Variants in JHY observed in about 807,000 individuals in gnomAD.
JHY encodes jhy protein homolog.
In JHY, 69 loss-of-function variants were observed where a neutral mutation model predicts 78.0. The observed-to-expected ratio is 0.88, with a 90% CI of 0.73 to 1.08. The LOEUF (loss-of-function observed/expected upper bound fraction) is 1.08, where lower values mean the gene tolerates loss of function less well. JHY is among the 50% of genes least tolerant of loss of function. JHY has a pLI of 0.00. For missense variants in JHY, 944 were observed against 927.8 expected (o/e 1.02, Z -0.23); for synonymous variants, 368 against 342.6 (o/e 1.07, Z -0.82).
At chr11:122,947,918 A>C (rs1404445776) in intron 6 of JHY, among the ~76,000 whole-genome samples, 1 of 152,128 alleles carries the variant, frequency 6.6e-6, no homozygotes, top group East Asian at 1.9e-4. Flanking sequence ...TTGTTCTCCC[A>C]TACCAACCTG....
chr11:122,906,350 A>G (rs550743425), intron 3 of JHY, among the ~76,000 whole-genome samples: 2 of 152,066 alleles, frequency 1.3e-5, no homozygotes, highest in Non-Finnish European at 2.9e-5. Flanking sequence ...CACCACATCT[A>G]GCTAAATTTG....
At chr11:122,924,522 GT>G (rs1313193709) in intron 3 of JHY, among the ~76,000 whole-genome samples, 1 of 152,100 alleles carries the variant, frequency 6.6e-6, no homozygotes, top group African/African-American at 2.4e-5. Context: ...TATTTCTGTT[GT>G]CGTCATCATC....
chr11:122,892,923 A>C (rs1862656050), intron 2 of JHY, among the ~76,000 whole-genome samples: 1 of 152,206 alleles, frequency 6.6e-6, no homozygotes. Context: ...CGTACTGATT[A>C]GGAGATTAAA....
chr11:122,935,537 G>T lies in JHY; in HGVS notation c.1634+462G>T, dbSNP rs73606709. 1.4e-3 allele frequency among the ~76,000 whole-genome samples: 219 copies of T among 152,208 alleles called. No homozygotes were observed. The highest frequency in any genetic ancestry group is 5.2e-3 in the African/African-American group (214 of 41,546). ...GGTGTGAGCCACCGCACCCGGCCAA[G>T]AGTCTACTTTTGATGGATTTCTTTT... On this transcript the variant is annotated intron_variant, in intron 5 of 8. Coordinates refer to ENST00000227349, the MANE Select transcript of JHY (RefSeq NM_024806.4). This position sits in a 1 kb window ranked among gnomAD's most constrained non-coding sequence, Gnocchi z 4.5.
intron 6 of JHY, among the ~76,000 whole-genome samples, chr11:122,950,735 G>C (rs1694454868): frequency 6.6e-6 from 1 of 152,264 alleles, no homozygotes; most frequent in Non-Finnish European, 1.5e-5. Context: ...CCTTCTTTTA[G>C]TTAATTGAAT....
chr11:122,930,063 GAGAA>G (rs1863604694), intron 4 of JHY, among the ~76,000 whole-genome samples: 1 of 152,102 alleles, frequency 6.6e-6, no homozygotes, highest in Non-Finnish European at 1.5e-5. Flanking sequence ...GCTGTGAACT[GAGAA>G]AGAGATAGAT....
intron 3 of JHY, among the ~76,000 whole-genome samples, chr11:122,912,673 C>T (rs553272448): frequency 6.5e-4 from 98 of 151,296 alleles, no homozygotes; most frequent in African/African-American, 2.3e-3. Context: ...GCCGGGAGGC[C>T]GAGGCTGCAG....
At chr11:122,889,821 C>T (rs1189586252) in intron 2 of JHY, among the ~76,000 whole-genome samples, 3 of 152,114 alleles carry the variant, frequency 2.0e-5, no homozygotes, top group Non-Finnish European at 4.4e-5. Flanking sequence ...TGAAGTGGCA[C>T]GATCTTGGCT....
chr11:122,916,002 C>G (rs1045081245), intron 3 of JHY, among the ~76,000 whole-genome samples: 1 of 149,290 alleles, frequency 6.7e-6, no homozygotes, highest in Non-Finnish European at 1.5e-5. Flanking sequence ...AGGTAAAAGG[C>G]AGAATGATAG....
chr11:122,946,601 G>T lies in JHY; in HGVS notation c.1738G>T (p.Asp580Tyr), dbSNP rs779492457. 1.9e-6 allele frequency: 3 copies of T among 1,614,006 alleles called. No individual in the cohort carries two copies. The highest frequency in any genetic ancestry group is 2.5e-6 in the Non-Finnish European group (3 of 1,180,002). The change falls in exon 6 of 9, where the codon GAC becomes TAC. Residue 580 changes from aspartate (D) to tyrosine (Y), a missense_variant. Asp to Tyr is a radical substitution (Grantham distance 160). Coordinates refer to ENST00000227349, the MANE Select transcript of JHY (RefSeq NM_024806.4). ...TCAGCAAGCCTTGGTGCAGCTGACC[G>T]ACGTGCAGCCCAGTGAAGGGGCCTT... ...QHQQALVQLT[D>Y]VQPSEGALSS...
Position 122,961,512 on chromosome 11 carries a change from G to A in JHY, c.*2067G>A, listed in dbSNP as rs946135998. Among the ~76,000 whole-genome samples the A allele has an allele frequency of 6.6e-6, 1 of 152,048 alleles. No individual in the cohort carries two copies. Among genetic ancestry groups the A allele is most frequent in the Non-Finnish European group, 1.5e-5 (1 of 68,000 alleles). On this transcript the variant is annotated 3_prime_UTR_variant, in exon 9 of 9. Coordinates refer to ENST00000227349, the MANE Select transcript of JHY (RefSeq NM_024806.4). ...CGAGATTGCAAGCGTGCACTACCAC[G>A]CCCGGCTAATTTTTATACTTTTAGT...
chr11:122,905,556 G>T, intron 3 of JHY: 1 of 1,059,998 alleles, frequency 9.4e-7, no homozygotes, highest in East Asian at 6.8e-5. Flanking sequence ...TTTCTTCAGA[G>T]ACTCCCTTTT....
Position 122,886,164 on chromosome 11 carries a change from C to T in JHY, c.315C>T (p.His105=). The T allele has an allele frequency of 1.2e-6, 2 of 1,612,854 alleles. No individual in the cohort carries two copies. Among genetic ancestry groups the T allele is most frequent in the South Asian group, 2.2e-5 (2 of 90,954 alleles). ...KAAQMAREQN[H]HTWDQGANNR... is the part of the protein sequence containing the mutation. ...CTCAGATGGCTCGCGAGCAAAACCA[C>T]CATACCTGGGACCAGGGCGCCAATA... Residue 105 remains histidine, a synonymous_variant, in exon 2 of 9, where the codon CAC becomes CAT. Transcript: ENST00000227349.
At chr11:122,923,281 A>G (rs1863415803) in intron 3 of JHY, among the ~76,000 whole-genome samples, 1 of 152,220 alleles carries the variant, frequency 6.6e-6, no homozygotes, top group South Asian at 2.1e-4. Context: ...TCAGTTAGGG[A>G]GCAATATGTT....
intron 3 of JHY, among the ~76,000 whole-genome samples, chr11:122,910,758 G>A (rs1863103385): frequency 2.0e-5 from 3 of 152,144 alleles, no homozygotes; most frequent in African/African-American, 7.2e-5. Context: ...ACCCCTGATT[G>A]CTAACCTCCT....
chr11:122,941,881 ATTT>A (rs1263619220), intron 5 of JHY, among the ~76,000 whole-genome samples: 5 of 151,750 alleles, frequency 3.3e-5, no homozygotes, highest in Non-Finnish European at 7.4e-5. Flanking sequence ...TTATTTATTT[ATTT>A]ATTTTTAGAC....
rs778372175 is a variant in JHY at position 122,929,240 on chromosome 11, G to GTT, written c.978+4244_978+4245dup. ...CCACGCCTGGCCAAGGTTGTTTTTT[G>GTT]TTTTTTTTTTTTTTTAAAGCAGTAC... On this transcript the variant is annotated intron_variant, in intron 4 of 8. Coordinates refer to ENST00000227349, the MANE Select transcript of JHY (RefSeq NM_024806.4). Among the ~76,000 whole-genome samples the GTT allele has an allele frequency of 1.5e-4, 12 of 80,212 alleles. No individual in the cohort carries two copies. In the East Asian group the frequency reaches 1.6e-3, roughly 11 times the overall value. 52.6% of individuals were successfully genotyped at this position (80,212 alleles called of 152,430 possible).
chr11:122,939,311 A>C (rs1863823016), intron 5 of JHY, among the ~76,000 whole-genome samples: 2 of 151,924 alleles, frequency 1.3e-5, no homozygotes, highest in African/African-American at 4.8e-5. Context: ...ACAGACTTTC[A>C]ACCAAATCTT....
intron 8 of JHY, among the ~76,000 whole-genome samples, chr11:122,958,362 C>T (rs981952318): frequency 9.2e-5 from 14 of 152,138 alleles, no homozygotes; most frequent in African/African-American, 3.4e-4. Context: ...TATTGCCTTT[C>T]TTCCTCAGAC....
Sources: allele counts gnomAD v4.1 joint callset (sites outside exome capture counted in the v4.1 genomes callset), GRCh38; gene constraint gnomAD v4.1.1; non-coding constraint Gnocchi (gnomAD v3.1); transcripts MANE v1.5; gene names NCBI Gene and HGNC (gene_info 2026-07-23, HGNC 2026-07-21).